Variants in RFTN1 observed in about 807,000 individuals in gnomAD.
The protein encoded by RFTN1 is raftlin.
RFTN1 carries 26 observed loss-of-function variants against 46.5 expected under a neutral mutation model. That is an observed-to-expected ratio of 0.56 (90% confidence interval 0.41 to 0.78). RFTN1 has a LOEUF of 0.78. Ranked by LOEUF, RFTN1 falls within the 30% of genes least tolerant of loss-of-function variation. The pLI is 0.00. For synonymous variants in RFTN1, 261 were observed against 284.2 expected, an observed-to-expected ratio of 0.92 and a Z score of 0.82; for missense variants, 693 against 718.7, an observed-to-expected ratio of 0.96 and a Z score of 0.41.
At position 16,356,201 on chromosome 3, in the gene RFTN1, T is replaced by A. The variant is rs2072424840; in HGVS notation, c.1146+1731A>T. On this transcript the variant is annotated intron_variant, in intron 7 of 9. Coordinates refer to ENST00000334133, the MANE Select transcript of RFTN1 (RefSeq NM_015150.2). The surrounding 1 kb of genome is among the most constrained non-coding windows in gnomAD (Gnocchi z 4.9). The stretch of plus-strand genomic sequence containing the variant: ...GGTGACAGGACCTGCCCACACTCGC[T>A]TGGCATCTTGGACTGAGCTTTACTT... Among the ~76,000 whole-genome samples the A allele has an allele frequency of 6.6e-6, 1 of 152,220 alleles. No individual in the cohort carries two copies. Among genetic ancestry groups the A allele is most frequent in the Admixed American group, 6.5e-5 (1 of 15,292 alleles).
chr3:16,420,689 A>G (rs1386320112), intron 3 of RFTN1, among the ~76,000 whole-genome samples: 1 of 152,258 alleles, frequency 6.6e-6, no homozygotes, highest in Non-Finnish European at 1.5e-5. Flanking sequence ...ATGTTTTGCT[A>G]CTGAGCACCT....
chr3:16,366,916 A>ACGAC (rs1297849210), intron 6 of RFTN1, among the ~76,000 whole-genome samples: 17 of 152,190 alleles, frequency 1.1e-4, no homozygotes, highest in Admixed American at 1.1e-3. Flanking sequence ...GGTTTAATGA[A>ACGAC]CGACCCAGGG....
rs1194176485 is a variant in RFTN1 at position 16,317,990 on chromosome 3, AC to A, written c.1333-759del. Among the ~76,000 whole-genome samples the A allele has an allele frequency of 3.3e-5, 5 of 152,000 alleles. No individual in the cohort carries two copies. The highest frequency in any genetic ancestry group is 7.4e-5 in the Non-Finnish European group (5 of 67,978). On this transcript the variant is annotated intron_variant, in intron 9 of 9. Transcript: ENST00000334133. This position sits in a 1 kb window ranked among gnomAD's most constrained non-coding sequence, Gnocchi z 4.3. ...CTGTACCGACAAGTGTTCTAAGGTA[AC>A]TCCCTCTAAAAACTTCCAATCTCAG... is the stretch of plus-strand genomic sequence containing the variant.
intron 7 of RFTN1, 32 bp from the exon 8 acceptor site, chr3:16,326,908 G>C (rs756358353): frequency 1.3e-6 from 2 of 1,540,358 alleles, no homozygotes; most frequent in African/African-American, 1.4e-5. Flanking sequence ...TAGGGCTGCT[G>C]CTGCCACAAG....
chr3:16,386,017 C>A (rs57319909), intron 4 of RFTN1, among the ~76,000 whole-genome samples: 2,200 of 152,346 alleles, frequency 0.014, 56 homozygotes, highest in African/African-American at 0.049. Flanking sequence ...ACTGATAAAT[C>A]AAACTTCAAA....
At chr3:16,472,646 T>G (rs1227565539) in intron 2 of RFTN1, 2 of 152,194 alleles carry the variant, frequency 1.3e-5, no homozygotes, top group Non-Finnish European at 2.9e-5. Context: ...CTGATTAATA[T>G]GCGGAATCTT....
chr3:16,512,418 T>C lies in RFTN1; in HGVS notation c.-9+1024A>G, dbSNP rs1244503914. 6.6e-6 allele frequency among the ~76,000 whole-genome samples: 1 copy of C among 151,350 alleles called. No individual in the cohort carries two copies. The highest frequency in any genetic ancestry group is 1.5e-5 in the Non-Finnish European group (1 of 67,874). ...CCACTGACAGAGATTGAGCCAGACTTTTTTTTTAAAAAAGTACTTCTTGTT... is the reference window on the plus strand; with the variant it reads ...CCACTGACAGAGATTGAGCCAGACTCTTTTTTTAAAAAAGTACTTCTTGTT... On this transcript the variant is annotated intron_variant, in intron 1 of 9. Coordinates refer to ENST00000334133, the MANE Select transcript of RFTN1 (RefSeq NM_015150.2). This position sits in a 1 kb window ranked among gnomAD's most constrained non-coding sequence, Gnocchi z 4.3.
In RFTN1 at chr3:16,320,539, C is replaced by G. The variant is rs2068932228; in HGVS notation, c.1332+2837G>C. Among the ~76,000 whole-genome samples the G allele has an allele frequency of 6.6e-6, 1 of 152,148 alleles. No homozygotes were observed. The highest frequency in any genetic ancestry group is 1.5e-5 in the Non-Finnish European group (1 of 68,022). ...CTTGTGGAGACTATGTCTGACTCTGCCTGGGAAGGATAAAATAATGATCAC... is the reference window on the plus strand; with the variant it reads ...CTTGTGGAGACTATGTCTGACTCTGGCTGGGAAGGATAAAATAATGATCAC... On this transcript the variant is annotated intron_variant, in intron 9 of 9. Transcript: ENST00000334133. The surrounding 1 kb of genome is among the most constrained non-coding windows in gnomAD (Gnocchi z 4.5).
Position 16,507,999 on chromosome 3 carries a change from C to A in RFTN1, c.-9+5443G>T, listed in dbSNP as rs1180661419. Among the ~76,000 whole-genome samples the A allele has an allele frequency of 6.6e-6, 1 of 152,202 alleles. No homozygotes were observed. The highest frequency in any genetic ancestry group is 1.9e-4 in the East Asian group (1 of 5,206). ...AAAGTTGTCAGTGAGGTGCATCTGG[C>A]TTCCTGGTTGAAGAAGTGTGGAAAC... On this transcript the variant is annotated intron_variant, in intron 1 of 9. Transcript: ENST00000334133. The surrounding 1 kb of genome is among the most constrained non-coding windows in gnomAD (Gnocchi z 7.1).
chr3:16,491,490 A>G (rs1459332663), intron 2 of RFTN1, among the ~76,000 whole-genome samples: 5 of 152,218 alleles, frequency 3.3e-5, no homozygotes, highest in African/African-American at 1.2e-4. Flanking sequence ...CTAGCTCATT[A>G]TAATGGGTGT....
chr3:16,318,132 G>C (rs2068632363), intron 9 of RFTN1, among the ~76,000 whole-genome samples: 1 of 152,012 alleles, frequency 6.6e-6, no homozygotes, highest in Non-Finnish European at 1.5e-5. Context: ...AACAACCAGG[G>C]TCTCATCAAA....
rs117575406 is a variant in RFTN1 at position 16,458,341 on chromosome 3, C to T, written c.146-24304G>A. Among the ~76,000 whole-genome samples the T allele has an allele frequency of 1.3e-5, 2 of 152,214 alleles. No individual in the cohort carries two copies. The highest frequency in any genetic ancestry group is 3.9e-4 in the East Asian group (2 of 5,182). ...TGTATTATTCAGGTCCAGGTATGCT[C>T]GGGGTGCTGGAGTTTCAGGTAGTGG... On this transcript the variant is annotated intron_variant, in intron 2 of 9. Coordinates refer to ENST00000334133, the MANE Select transcript of RFTN1 (RefSeq NM_015150.2). The surrounding 1 kb of genome is among the most constrained non-coding windows in gnomAD (Gnocchi z 5.1).
rs1443522903 is a variant in RFTN1, at chr3:16,425,114, G to A, written c.332+8737C>T. Among the ~76,000 whole-genome samples, 4 of 152,110 alleles carry A rather than the reference G, an allele frequency of 2.6e-5. No individual in the cohort carries two copies. Among genetic ancestry groups the A allele is most frequent in the South Asian group, 2.1e-4 (1 of 4,816 alleles). On this transcript the variant is annotated intron_variant, in intron 3 of 9. Transcript: ENST00000334133. This position sits in a 1 kb window ranked among gnomAD's most constrained non-coding sequence, Gnocchi z 4.3. ...AGACATATAAATAGAAAACTCCAAC[G>A]CTTTAGTAAAATTATTTGCAACTAA...
At chr3:16,318,183 T>C (rs6797562) in intron 9 of RFTN1, among the ~76,000 whole-genome samples, 35,698 of 151,688 alleles carry the variant, frequency 0.24, 5,880 homozygotes, top group African/African-American at 0.48. Flanking sequence ...CCCAGCTCCG[T>C]CACTGACCGG....
rs553327850 is a variant in RFTN1 at position 16,376,601 on chromosome 3, C to T, written c.826+1117G>A. Among the ~76,000 whole-genome samples, 1 of 152,336 alleles carries T rather than the reference C, an allele frequency of 6.6e-6. No homozygotes were observed. Among genetic ancestry groups the T allele is most frequent in the South Asian group, 2.1e-4 (1 of 4,822 alleles). ...TCAGCTACTTCATGAGGGCAGCAGGCATGTGCCTCAAACAGCGAAAAATCA... is the reference window on the plus strand; with the variant it reads ...TCAGCTACTTCATGAGGGCAGCAGGTATGTGCCTCAAACAGCGAAAAATCA... On this transcript the variant is annotated intron_variant, in intron 5 of 9. Coordinates refer to ENST00000334133, the MANE Select transcript of RFTN1 (RefSeq NM_015150.2). The surrounding 1 kb of genome is among the most constrained non-coding windows in gnomAD (Gnocchi z 4.7).
rs76482250 is a variant in RFTN1 at position 16,329,342 on chromosome 3, A to AGAAAGG, written c.1147-2472_1147-2467dup. ...GTGGACCGAGACAGGGCGGAAGTGG[A>AGAAAGG]GAAAGGGAAAGGGAAAGAGGAAACT... On this transcript the variant is annotated intron_variant, in intron 7 of 9. Transcript: ENST00000334133. The surrounding 1 kb of genome is among the most constrained non-coding windows in gnomAD (Gnocchi z 4.5). Among the ~76,000 whole-genome samples, 1 of 151,928 alleles carries AGAAAGG rather than the reference A, an allele frequency of 6.6e-6. No individual in the cohort carries two copies. The highest frequency in any genetic ancestry group is 1.5e-5 in the Non-Finnish European group (1 of 67,940).
In RFTN1 at chr3:16,351,159, G is replaced by C. The variant is rs185638516; in HGVS notation, c.1146+6773C>G. Among the ~76,000 whole-genome samples the C allele has an allele frequency of 1.3e-5, 2 of 152,318 alleles. No homozygotes were observed. The highest frequency in any genetic ancestry group is 3.9e-4 in the East Asian group (2 of 5,186). ...TCGAGCCTTTCATGTAAATACAATA[G>C]AGGAATGGAAGATGGAACAACAGGG... On this transcript the variant is annotated intron_variant, in intron 7 of 9. Transcript: ENST00000334133. This position sits in a 1 kb window ranked among gnomAD's most constrained non-coding sequence, Gnocchi z 5.4.
intron 2 of RFTN1, among the ~76,000 whole-genome samples, chr3:16,476,124 C>T (rs1005147396): frequency 1.2e-4 from 18 of 152,144 alleles, no homozygotes; most frequent in East Asian, 1.9e-4. Flanking sequence ...TGTGGTGGGG[C>T]GAGGACTGTG....
At position 16,327,767 on chromosome 3, in the gene RFTN1, A is replaced by G. The variant is rs2069867841; in HGVS notation, c.1147-891T>C. ...CAGAGCGGGATTCCCATCTCAAAAA[A>G]AAAAACAAAACGAAAAAAACTTCAG... is the stretch of plus-strand genomic sequence containing the variant. On this transcript the variant is annotated intron_variant, in intron 7 of 9. Transcript: ENST00000334133. This position sits in a 1 kb window ranked among gnomAD's most constrained non-coding sequence, Gnocchi z 4.2. 6.6e-6 allele frequency among the ~76,000 whole-genome samples: 1 copy of G among 151,950 alleles called. No individual in the cohort carries two copies. Among genetic ancestry groups the G allele is most frequent in the Non-Finnish European group, 1.5e-5 (1 of 67,958 alleles).
Sources: gnomAD v4.1 joint callset for allele counts (sites outside exome capture counted in the v4.1 genomes callset) on GRCh38, gnomAD v4.1.1 for gene constraint, Gnocchi (gnomAD v3.1) non-coding constraint, MANE v1.5 for transcripts, NCBI Gene and HGNC (gene_info 2026-07-23, HGNC 2026-07-21) for gene names.